PTPRO: variants seen among roughly 807,000 people sequenced by gnomAD.
PTPRO encodes the protein protein tyrosine phosphatase receptor type O.
Under a neutral mutation model 145.2 loss-of-function variants are expected in PTPRO, and 62 were observed. The ratio of observed to expected loss-of-function variants is 0.43; its 90% CI spans 0.35 to 0.53. PTPRO has a LOEUF of 0.53. Among genes scored for constraint, PTPRO ranks in the 20% least tolerant of loss-of-function variants. PTPRO has a pLI of 0.01. For synonymous variants in PTPRO, 565 were observed against 514.7 expected, an observed-to-expected ratio of 1.10 and a Z score of -1.32; for missense variants, 1,345 against 1,482.7, an observed-to-expected ratio of 0.91 and a Z score of 1.53.
intron 1 of PTPRO, among the ~76,000 whole-genome samples, chr12:15,354,664 A>C (rs1937927054): frequency 6.6e-6 from 1 of 152,142 alleles, no homozygotes; most frequent in Admixed American, 6.5e-5. Context: ...TTTGTTTCTT[A>C]CTGCATGTAA....
chr12:15,444,302 A>G (rs1940846199), intron 1 of PTPRO, among the ~76,000 whole-genome samples: 1 of 152,076 alleles, frequency 6.6e-6, no homozygotes, highest in African/African-American at 2.4e-5. Context: ...ACGGACATAA[A>G]GATGGCAACA....
Position 15,480,566 on chromosome 12 carries a change from C to T in PTPRO, c.76-3408C>T, listed in dbSNP as rs542188611. 6.6e-5 allele frequency among the ~76,000 whole-genome samples: 10 copies of T among 152,270 alleles called. No homozygotes were observed. In the East Asian group the frequency reaches 1.9e-3, roughly 29 times the overall value. ...AGGTTTGGACAGACTTTAGGACCCC[C>T]TCCTTTTCAGGATTACCTACTCACT... On this transcript the variant is annotated intron_variant, in intron 1 of 26. Transcript: ENST00000281171.
intron 8 of PTPRO, among the ~76,000 whole-genome samples, chr12:15,516,242 T>C (rs577956944): frequency 9.4e-5 from 14 of 149,076 alleles, no homozygotes; most frequent in South Asian, 2.1e-4. Context: ...CCACCTTGGC[T>C]TCCCAAAGTG....
At chr12:15,490,486 G>T (rs759419432) in intron 2 of PTPRO, among the ~76,000 whole-genome samples, 3 of 151,954 alleles carry the variant, frequency 2.0e-5, no homozygotes, top group African/African-American at 7.3e-5. Flanking sequence ...CAATTTTCAC[G>T]TGCCATGAAA....
intron 10 of PTPRO, 27 bp from the exon 11 acceptor site, chr12:15,524,787 A>G (rs1337322352): frequency 6.3e-7 from 1 of 1,598,760 alleles, no homozygotes; most frequent in Admixed American, 1.7e-5. Context: ...CTATTATACT[A>G]AATTGTGCCT....
chr12:15,580,585 C>T, intron 21 of PTPRO, 112 bp from the exon 22 acceptor site: 2 of 1,324,700 alleles, frequency 1.5e-6, no homozygotes, highest in Non-Finnish European at 2.2e-6. Context: ...GGTGTGTGAT[C>T]CTTTGCCAAT....
At chr12:15,325,641 C>T (rs896504092) in intron 1 of PTPRO, among the ~76,000 whole-genome samples, 9 of 152,160 alleles carry the variant, frequency 5.9e-5, no homozygotes, top group African/African-American at 9.7e-5. Context: ...ATTTATCTGG[C>T]GAGCCTCGCT....
intron 19 of PTPRO, among the ~76,000 whole-genome samples, chr12:15,574,855 C>T (rs11056566): frequency 0.22 from 33,420 of 152,056 alleles, 3,833 homozygotes; most frequent in Middle Eastern, 0.27. Context: ...AAGCAAACAC[C>T]GAAAGCAAAC....
intron 1 of PTPRO, among the ~76,000 whole-genome samples, chr12:15,325,640 G>A (rs1278797902): frequency 6.6e-6 from 1 of 152,110 alleles, no homozygotes; most frequent in Non-Finnish European, 1.5e-5. Context: ...TATTTATCTG[G>A]CGAGCCTCGC....
intron 25 of PTPRO, 66 bp from the exon 26 acceptor site, chr12:15,594,871 C>A: frequency 9.0e-7 from 1 of 1,113,266 alleles, no homozygotes; most frequent in Non-Finnish European, 1.3e-6. Context: ...TTAAAATTGT[C>A]ATAGTATAAA....
intron 1 of PTPRO, among the ~76,000 whole-genome samples, chr12:15,472,966 C>A (rs1012912415): frequency 2.0e-5 from 3 of 152,168 alleles, no homozygotes; most frequent in Non-Finnish European, 2.9e-5. Flanking sequence ...CTCTGGATGG[C>A]CTGGCTTAGT....
At chr12:15,591,130 A>T (rs973888442) in intron 25 of PTPRO, among the ~76,000 whole-genome samples, 15 of 152,122 alleles carry the variant, frequency 9.9e-5, no homozygotes, top group African/African-American at 3.6e-4. Context: ...GCACTTTAGG[A>T]GGCTGAGGCG....
At chr12:15,409,108 A>G (rs1445948110) in intron 1 of PTPRO, among the ~76,000 whole-genome samples, 1 of 152,144 alleles carries the variant, frequency 6.6e-6, no homozygotes, top group African/African-American at 2.4e-5. Flanking sequence ...AGTAATAACT[A>G]AGTCAGATGA....
At chr12:15,522,867 G>T (rs1042970683) in intron 10 of PTPRO, among the ~76,000 whole-genome samples, 5 of 152,296 alleles carry the variant, frequency 3.3e-5, no homozygotes, top group African/African-American at 9.6e-5. Flanking sequence ...ATACTTCTGG[G>T]TTTGCAATTT....
At position 15,597,131 on chromosome 12, in the gene PTPRO, G is replaced by T. The variant is rs1032667534; in HGVS notation, c.*1058G>T. ...AAATGTCTCTATGGATTCTGACAGA[G>T]ATTTCTTTTTGTTTTGTTATTCTTT... On this transcript the variant is annotated 3_prime_UTR_variant, in exon 27 of 27. Coordinates refer to ENST00000281171, the MANE Select transcript of PTPRO (RefSeq NM_030667.3). 2.0e-5 allele frequency: 3 copies of T among 152,506 alleles called. No individual in the cohort carries two copies. Among genetic ancestry groups the T allele is most frequent in the East Asian group, 3.9e-4 (2 of 5,186 alleles). The allele number at this position is 152,506 out of a possible 1,614,324, so 9.4% of individuals were successfully genotyped here. A position where few individuals can be genotyped will look rare whatever the true frequency, so the allele number is the denominator to read the frequency against.
intron 19 of PTPRO, among the ~76,000 whole-genome samples, chr12:15,578,606 A>C (rs1324032112): frequency 2.0e-5 from 3 of 152,200 alleles, no homozygotes; most frequent in African/African-American, 7.2e-5. Context: ...TTTTCAGGGT[A>C]GATGGCAGGC....
intron 1 of PTPRO, among the ~76,000 whole-genome samples, chr12:15,476,911 AAC>A (rs1265583433): frequency 1.2e-5 from 1 of 83,470 alleles, no homozygotes; most frequent in African/African-American, 4.7e-5. Context: ...TGGGACTGTA[AAC>A]TAGTTCAACC....
intron 25 of PTPRO, among the ~76,000 whole-genome samples, chr12:15,591,871 A>T (rs1396955945): frequency 6.6e-6 from 1 of 151,854 alleles, no homozygotes. Flanking sequence ...CAAAAAAAAA[A>T]CCCCATAAAA....
chr12:15,386,667 G>A (rs1190604483), intron 1 of PTPRO, among the ~76,000 whole-genome samples: 1 of 152,112 alleles, frequency 6.6e-6, no homozygotes, highest in Non-Finnish European at 1.5e-5. Flanking sequence ...TCCATATAAA[G>A]GTGAAAAAAT....
Sources: allele counts gnomAD v4.1 joint callset (sites outside exome capture counted in the v4.1 genomes callset), GRCh38; gene constraint gnomAD v4.1.1; transcripts MANE v1.5; gene names NCBI Gene and HGNC (gene_info 2026-07-23, HGNC 2026-07-21).